LGR4: variants seen among roughly 807,000 people sequenced by gnomAD.
LGR4 encodes the protein leucine-rich repeat-containing G protein-coupled receptor 4.
Under a neutral mutation model 84.8 loss-of-function variants are expected in LGR4, and 44 were observed. The ratio of observed to expected loss-of-function variants is 0.52; its 90% confidence interval spans 0.41 to 0.67. The LOEUF (loss-of-function observed/expected upper bound fraction) is 0.67. Among genes scored for constraint, LGR4 ranks in the 30% least tolerant of loss-of-function variants. LGR4 has a pLI of 0.00. For missense variants in LGR4, 1,032 were observed against 1,131.4 expected, an observed-to-expected ratio of 0.91 and a Z score of 1.26; for synonymous variants, 429 against 434.3, an observed-to-expected ratio of 0.99 and a Z score of 0.15.
At chr11:27,458,979 C>T (rs1231130221) in intron 1 of LGR4, among the ~76,000 whole-genome samples, 2 of 151,818 alleles carry the variant, frequency 1.3e-5, no homozygotes, top group Non-Finnish European at 2.9e-5. Flanking sequence ...TTATGAAGAA[C>T]CATAAAACAG....
At position 27,466,022 on chromosome 11, in the gene LGR4, A is replaced by C. The variant is rs552291710; in HGVS notation, c.185+6096T>G. 7.9e-5 allele frequency among the ~76,000 whole-genome samples: 12 copies of C among 152,350 alleles called. No homozygotes were observed. In the South Asian group the frequency reaches 2.5e-3, roughly 32 times the overall value. On this transcript the variant is annotated intron_variant, in intron 1 of 17. Coordinates refer to ENST00000379214, the MANE Select transcript of LGR4 (RefSeq NM_018490.5). ...AGGAAAACAAGCTTTAACATTGCCA[A>C]CAACTTGAAGGCCGCACGGGACGGT...
chr11:27,393,287 T>A (rs747508271), intron 2 of LGR4, among the ~76,000 whole-genome samples: 2 of 152,138 alleles, frequency 1.3e-5, no homozygotes, highest in Non-Finnish European at 2.9e-5. Context: ...GTGATTCACA[T>A]AAGTTAACTT....
At chr11:27,398,152 A>G (rs1863426103) in intron 2 of LGR4, among the ~76,000 whole-genome samples, 1 of 152,228 alleles carries the variant, frequency 6.6e-6, no homozygotes, top group African/African-American at 2.4e-5. Flanking sequence ...CTTAATGCAT[A>G]TATGACCTGA....
chr11:27,383,676 T>A (rs1182677595), intron 6 of LGR4, among the ~76,000 whole-genome samples: 4 of 152,204 alleles, frequency 2.6e-5, no homozygotes, highest in Non-Finnish European at 5.9e-5. Flanking sequence ...ATTGGGACCT[T>A]CTCTGAATCA....
chr11:27,437,660 A>AGTGTGTGTGTGTGTGTGT (rs10659033), intron 1 of LGR4, among the ~76,000 whole-genome samples: 43 of 140,138 alleles, frequency 3.1e-4, no homozygotes, highest in Middle Eastern at 7.4e-3. Context: ...TTAAAGGACT[A>AGTGTGTGTGTGTGTGTGT]GTGTGTGTGT....
At chr11:27,458,524 T>G (rs535454044) in intron 1 of LGR4, among the ~76,000 whole-genome samples, 1 of 152,094 alleles carries the variant, frequency 6.6e-6, no homozygotes, top group African/African-American at 2.4e-5. Flanking sequence ...AGTTTTTTTG[T>G]TTTCTTAATT....
chr11:27,442,045 A>C (rs72889548), intron 1 of LGR4, among the ~76,000 whole-genome samples: 1 of 152,200 alleles, frequency 6.6e-6, no homozygotes, highest in African/African-American at 2.4e-5. Context: ...AATCAATCCT[A>C]TTCTCTTAAC....
intron 1 of LGR4, among the ~76,000 whole-genome samples, chr11:27,427,887 T>G (rs1021364723): frequency 6.6e-6 from 1 of 152,166 alleles, no homozygotes; most frequent in African/African-American, 2.4e-5. Flanking sequence ...CTTGTCTTTT[T>G]TATCTTATGG....
rs1338636355 is a variant in LGR4 at position 27,372,380 on chromosome 11, A to G, written c.1398T>C (p.Tyr466=). The G allele has an allele frequency of 6.8e-6, 11 of 1,609,346 alleles. No individual in the cohort carries two copies. In the South Asian group the frequency reaches 1.1e-4, roughly 16 times the overall value. ...FVNLRSLSVP[Y]AYQCCAFWGC... ...CCCAAAATGCACAGCACTGATAAGC[A>G]TATGGTACTGATAAAGACCTGGAAA... The change falls in exon 16 of 18, where the codon TAT becomes TAC. Residue 466 remains tyrosine, a synonymous_variant. Coordinates refer to ENST00000379214, the MANE Select transcript of LGR4 (RefSeq NM_018490.5).
chr11:27,440,092 G>A (rs1201649648), intron 1 of LGR4, among the ~76,000 whole-genome samples: 1 of 152,018 alleles, frequency 6.6e-6, no homozygotes, highest in East Asian at 1.9e-4. Context: ...TTTTAGTAGA[G>A]ACGTGGTTTC....
intron 3 of LGR4, among the ~76,000 whole-genome samples, 179 bp downstream of exon 3, chr11:27,392,268 T>A (rs537869653): frequency 3.3e-5 from 5 of 152,280 alleles, no homozygotes; most frequent in Middle Eastern, 3.4e-3. Flanking sequence ...TAACTTTTGT[T>A]AATCTAGATG....
rs1366096531 is a variant in LGR4, at chr11:27,472,089, C to CA, written c.185+28_185+29insT. ...CCCGCTGGGCCCCGTTTCCTCCCCC[C>CA]CCCTCGCGTCCCCGCCGCCCGCACT... On this transcript the variant is annotated intron_variant, in intron 1 of 17. Transcript: ENST00000379214. 23 of 1,284,836 alleles carry CA rather than the reference C, an allele frequency of 1.8e-5. No individual in the cohort carries two copies. In the African/African-American group the frequency reaches 3.5e-4, roughly 19 times the overall value. 79.6% of individuals were successfully genotyped at this position (1,284,836 alleles called of 1,614,324 possible).
At position 27,376,938 on chromosome 11, in the gene LGR4, T is replaced by TC. The variant is rs776333954; in HGVS notation, c.1109+219dup. ...TTTTAAATATACACTAACTTCCAAC[T>TC]CCCCCCCGCATAGCGTTTCATGGGA... On this transcript the variant is annotated intron_variant, in intron 12 of 17. Transcript: ENST00000379214. Among the ~76,000 whole-genome samples, 15 of 151,752 alleles carry TC rather than the reference T, an allele frequency of 9.9e-5. No individual in the cohort carries two copies. In the South Asian group the frequency reaches 1.3e-3, roughly 13 times the overall value.
At position 27,461,210 on chromosome 11, in the gene LGR4, T is replaced by TA. The variant is rs199570989; in HGVS notation, c.185+10907dup. ...CAAAACCAAGCATTAATCTCAAATGTAAAAAAAAACATAGGAGCACCGTGG... is the reference window on the plus strand; with the variant it reads ...CAAAACCAAGCATTAATCTCAAATGTAAAAAAAAAACATAGGAGCACCGTGG... On this transcript the variant is annotated intron_variant, in intron 1 of 17. Coordinates refer to ENST00000379214, the MANE Select transcript of LGR4 (RefSeq NM_018490.5). 5.4e-3 allele frequency among the ~76,000 whole-genome samples: 817 copies of TA among 150,362 alleles called. 7 individuals are homozygous for TA. Among genetic ancestry groups the TA allele is most frequent in the African/African-American group, 0.016 (658 of 41,024 alleles).
chr11:27,419,866 C>A (rs1863894878), intron 1 of LGR4, among the ~76,000 whole-genome samples: 1 of 151,888 alleles, frequency 6.6e-6, no homozygotes, highest in South Asian at 2.1e-4. Context: ...ATTTATACAG[C>A]ATTCTGGAAA....
Position 27,391,180 on chromosome 11 carries a change from T to C in LGR4, c.330-15A>G, listed in dbSNP as rs1306466394. On this transcript the variant is annotated splice_polypyrimidine_tract_variant and intron_variant, in intron 3 of 17. Coordinates refer to ENST00000379214, the MANE Select transcript of LGR4 (RefSeq NM_018490.5). ...TCTGGAGCGTTCTGAAAGAAAATTT[T>C]TGGTTAGTGAGTAACAAGTGATAGT... is the stretch of plus-strand genomic sequence containing the variant. 2 of 1,532,722 alleles carry C rather than the reference T, an allele frequency of 1.3e-6. No individual in the cohort carries two copies. Among genetic ancestry groups the C allele is most frequent in the South Asian group, 2.4e-5 (2 of 83,042 alleles). 94.9% of individuals were successfully genotyped at this position (1,532,722 alleles called of 1,614,324 possible).
intron 2 of LGR4, among the ~76,000 whole-genome samples, chr11:27,393,578 C>T (rs1410766663): frequency 2.0e-5 from 3 of 151,506 alleles, no homozygotes; most frequent in African/African-American, 7.3e-5. Flanking sequence ...ATTTATAATC[C>T]CTCCTTTAAA....
chr11:27,399,206 C>A (rs1469862134), intron 2 of LGR4, among the ~76,000 whole-genome samples: 1 of 152,104 alleles, frequency 6.6e-6, no homozygotes, highest in Non-Finnish European at 1.5e-5. Context: ...TCTGAGTCAC[C>A]AGGCCTGGCC....
At chr11:27,398,899 C>T (rs1238088768) in intron 2 of LGR4, among the ~76,000 whole-genome samples, 2 of 151,842 alleles carry the variant, frequency 1.3e-5, no homozygotes, top group Non-Finnish European at 2.9e-5. Flanking sequence ...CTTCCTCTTT[C>T]TCTCTCTCTC....
Sources: gnomAD v4.1 joint callset for allele counts (sites outside exome capture counted in the v4.1 genomes callset) on GRCh38, gnomAD v4.1.1 for gene constraint, MANE v1.5 for transcripts, NCBI Gene and HGNC (gene_info 2026-07-23, HGNC 2026-07-21) for gene names.